DNMBP: variants seen among roughly 807,000 people sequenced by gnomAD.
DNMBP encodes the protein dynamin binding protein.
In DNMBP, 87 loss-of-function variants were observed where a neutral mutation model predicts 150.0. The ratio of observed to expected loss-of-function variants is 0.58; its 90% CI spans 0.49 to 0.69. The LOEUF (loss-of-function observed/expected upper bound fraction) is 0.69, where lower values mean the gene tolerates loss of function less well. Among genes scored for constraint, DNMBP ranks in the 30% least tolerant of loss-of-function variants. The probability of loss-of-function intolerance (pLI) is 0.00; values close to 1 mark genes in which losing one functional copy is unlikely to be tolerated. For synonymous variants in DNMBP, 711 were observed against 750.4 expected (o/e 0.95, Z 0.86); for missense variants, 1,774 against 1,949.0 (o/e 0.91, Z 1.69).
chr10:99,944,867 G>A (rs1377290536), intron 4 of DNMBP, among the ~76,000 whole-genome samples: 1 of 151,926 alleles, frequency 6.6e-6, no homozygotes, highest in East Asian at 1.9e-4. Context: ...TCCAATAATT[G>A]AAGTCTACAT....
intron 12 of DNMBP, among the ~76,000 whole-genome samples, chr10:99,888,214 GTTTGTTTTTGT>G (rs1257214458): frequency 4.7e-5 from 7 of 149,636 alleles, no homozygotes; most frequent in African/African-American, 1.7e-4. Flanking sequence ...TTGTTTGTTT[GTTTGTTTTTGT>G]TTTGAGGCAG....
Position 99,955,485 on chromosome 10 carries a change from T to C in DNMBP, c.1989A>G (p.Leu663=), listed in dbSNP as rs1020562032. The C allele has an allele frequency of 6.2e-7, 1 of 1,603,616 alleles. No homozygotes were observed. Among genetic ancestry groups the C allele is most frequent in the African/African-American group, 1.3e-5 (1 of 74,504 alleles). Reference sequence around the variant, plus strand: ...TCTCACAGGTAGGACGGTGTCGAGATAGGAGCTTGGGGGATACCGCATTCG... The same window carrying C: ...TCTCACAGGTAGGACGGTGTCGAGACAGGAGCTTGGGGGATACCGCATTCG... ...QRTNAVSPKL[L]SRHRPTCETL... Residue 663 remains leucine (L), a synonymous_variant, in exon 4 of 17, where the codon CTA becomes CTG. Transcript: ENST00000324109.
At chr10:99,924,771 T>G (rs1180720627) in intron 4 of DNMBP, among the ~76,000 whole-genome samples, 1 of 152,248 alleles carries the variant, frequency 6.6e-6, no homozygotes, top group Non-Finnish European at 1.5e-5. Context: ...ATGTTTGCAA[T>G]GAAAAGAAAT....
chr10:99,898,090 G>A lies in DNMBP; in HGVS notation c.2916C>T (p.Asp972=). The stretch of plus-strand genomic sequence containing the variant: ...CAGCAATTATGCTGTTCTTACCCAG[G>A]TCCTTTCGCCGTTTATATTCATTAA... The part of the protein sequence containing the change: ...VNINEYKRRK[D]LVLKYRKGDE... Residue 972 remains aspartate, a synonymous_variant, in exon 9 of 17, where the codon GAC becomes GAT. Transcript: ENST00000324109. 6.2e-7 allele frequency: 1 copy of A among 1,613,612 alleles called. No individual in the cohort carries two copies. The highest frequency in any genetic ancestry group is 8.5e-7 in the Non-Finnish European group (1 of 1,179,604).
At chr10:99,905,339 A>G (rs532231898) in intron 6 of DNMBP, among the ~76,000 whole-genome samples, 2 of 152,234 alleles carry the variant, frequency 1.3e-5, no homozygotes, top group Non-Finnish European at 2.9e-5. Context: ...ATTTGCCTGC[A>G]CGACAGAAAG....
chr10:99,981,961 A>G (rs574717307), intron 1 of DNMBP, among the ~76,000 whole-genome samples: 1 of 152,288 alleles, frequency 6.6e-6, no homozygotes, highest in Non-Finnish European at 1.5e-5. Context: ...CCTCTTCAGG[A>G]GCAGGGTGGC....
At chr10:100,000,279 A>T (rs2040994940) in intron 1 of DNMBP, among the ~76,000 whole-genome samples, 1 of 152,146 alleles carries the variant, frequency 6.6e-6, no homozygotes, top group African/African-American at 2.4e-5. Context: ...TGGGGAGGTA[A>T]GCATAACTCG....
chr10:99,915,884 T>G (rs12767930), intron 4 of DNMBP, among the ~76,000 whole-genome samples: 13 of 152,012 alleles, frequency 8.6e-5, no homozygotes, highest in Non-Finnish European at 1.8e-4. Context: ...GAGCTGAGAT[T>G]TCAACCTACC....
chr10:99,894,842 G>C (rs2039627380), intron 11 of DNMBP, 104 bp downstream of exon 11: 1 of 820,240 alleles, frequency 1.2e-6, no homozygotes. Context: ...ATAGTAATTT[G>C]AGTCCAGATT....
intron 4 of DNMBP, among the ~76,000 whole-genome samples, chr10:99,922,386 C>T (rs1210022481): frequency 6.6e-6 from 1 of 151,930 alleles, no homozygotes; most frequent in Non-Finnish European, 1.5e-5. Context: ...ATATCTCTCG[C>T]TTTTACAGAG....
Position 99,955,739 on chromosome 10 carries a change from T to A in DNMBP, c.1735A>T (p.Ile579Phe). 6.2e-7 allele frequency: 1 copy of A among 1,614,242 alleles called. No individual in the cohort carries two copies. Among genetic ancestry groups the A allele is most frequent in the Non-Finnish European group, 8.5e-7 (1 of 1,180,048 alleles). ...EPDKILRHFS[I>F]MDFNSEKDIV... ...TCCTTCTCAGAGTTAAAGTCCATGA[T>A]TGAAAAGTGGCGTAAAATTTTATCT... is the stretch of plus-strand genomic sequence containing the variant. Residue 579 changes from isoleucine to phenylalanine, a missense_variant, in exon 4 of 17, where the codon ATC becomes TTC. Around this residue, in one of 2 missense-constraint regions of DNMBP, gnomAD observed 1,430 missense variants for 1,492.5 expected, o/e 0.96. Coordinates refer to ENST00000324109, the MANE Select transcript of DNMBP (RefSeq NM_015221.4).
At chr10:99,913,390 T>C (rs2039924522) in intron 4 of DNMBP, among the ~76,000 whole-genome samples, 1 of 152,120 alleles carries the variant, frequency 6.6e-6, no homozygotes, top group South Asian at 2.1e-4. Flanking sequence ...TTTCCCACAA[T>C]GGGCCCGAAT....
At chr10:99,963,793 G>A (rs1404544427) in intron 3 of DNMBP, among the ~76,000 whole-genome samples, 3 of 150,064 alleles carry the variant, frequency 2.0e-5, no homozygotes, top group Admixed American at 6.7e-5. Flanking sequence ...GGTTCCTCAC[G>A]GACTCCTTTT....
chr10:99,940,767 G>C (rs2133304306), intron 4 of DNMBP, among the ~76,000 whole-genome samples: 1 of 152,098 alleles, frequency 6.6e-6, no homozygotes, highest in Middle Eastern at 3.4e-3. Context: ...CACTCCAATA[G>C]GGCTTGCATC....
At chr10:99,970,971 C>CAAAA (rs532226561) in intron 2 of DNMBP, among the ~76,000 whole-genome samples, 827 of 33,190 alleles carry the variant, frequency 0.025, 203 homozygotes, top group Non-Finnish European at 0.039. Context: ...GACTCCGTCT[C>CAAAA]AAAAAAAAAA....
At chr10:99,944,746 AC>A (rs2040339045) in intron 4 of DNMBP, among the ~76,000 whole-genome samples, 1 of 152,202 alleles carries the variant, frequency 6.6e-6, no homozygotes, top group African/African-American at 2.4e-5. Context: ...AATCATAAAT[AC>A]TGTCTAGTAT....
At chr10:100,008,078 C>T (rs867725563) in intron 1 of DNMBP, among the ~76,000 whole-genome samples, 7 of 152,058 alleles carry the variant, frequency 4.6e-5, no homozygotes, top group African/African-American at 1.7e-4. Flanking sequence ...AATACTAAAC[C>T]TAGAAAATAA....
intron 9 of DNMBP, among the ~76,000 whole-genome samples, chr10:99,896,793 T>C (rs541473289): frequency 1.3e-5 from 2 of 152,360 alleles, no homozygotes; most frequent in Admixed American, 6.5e-5. Context: ...AAATGAGATA[T>C]TGATATCCAA....
At chr10:99,906,792 C>T (rs1564727092) in intron 6 of DNMBP, among the ~76,000 whole-genome samples, 1 of 152,176 alleles carries the variant, frequency 6.6e-6, no homozygotes, top group Non-Finnish European at 1.5e-5. Context: ...TGGGCCAGAA[C>T]CACCCAGCGG....
Sources: gnomAD v4.1 joint callset for allele counts (sites outside exome capture counted in the v4.1 genomes callset) on GRCh38, gnomAD v4.1.1 for gene constraint, gnomAD v4.1.1 regional missense constraint, MANE v1.5 for transcripts, NCBI Gene and HGNC (gene_info 2026-07-23, HGNC 2026-07-21) for gene names.